Variants in CASK observed in about 807,000 individuals in gnomAD.
CASK encodes the protein peripheral plasma membrane protein CASK.
In CASK, 4 loss-of-function variants were observed where a neutral mutation model predicts 82.9. The observed-to-expected ratio is 0.05, with a 90% CI of 0.02 to 0.11. CASK has a LOEUF of 0.11. CASK is among the 10% of genes least tolerant of loss of function. The pLI is 1.00. For synonymous variants in CASK, 259 were observed against 253.5 expected, an observed-to-expected ratio of 1.02 and a Z score of -0.20; for missense variants, 358 against 720.9, an observed-to-expected ratio of 0.50 and a Z score of 5.76.
chrX:41,548,201 T>C (rs1334135924), intron 21 of CASK, among the ~76,000 whole-genome samples: 3 of 112,052 alleles, frequency 2.7e-5, no homozygotes, highest in African/African-American at 9.7e-5. Flanking sequence ...TTCTTCAGTC[T>C]GTTAATCTAG....
chrX:41,770,156 C>G lies in CASK; in HGVS notation c.278+17022G>C, dbSNP rs187655264. Among the ~76,000 whole-genome samples, 40 of 108,709 alleles carry G rather than the reference C, an allele frequency of 3.7e-4. No homozygotes were observed. The East Asian group carries it at 0.01, about 27-fold the overall frequency. The allele number at this position is 108,709 out of a possible 115,157, so 94.4% of individuals were successfully genotyped here. A position where few individuals can be genotyped will look rare whatever the true frequency, so the allele number is the denominator to read the frequency against. On this transcript the variant is annotated intron_variant, in intron 3 of 26. Transcript: ENST00000378163. ...ACTGAGATTATCCAGCACAGATTATCAAACAATGAAGCTTACTATGCCCTA... is the reference window on the plus strand; with the variant it reads ...ACTGAGATTATCCAGCACAGATTATGAAACAATGAAGCTTACTATGCCCTA...
At chrX:41,830,020 A>G (rs1183191226) in intron 2 of CASK, among the ~76,000 whole-genome samples, 1 of 104,758 alleles carries the variant, frequency 9.5e-6, no homozygotes, top group Non-Finnish European at 1.9e-5. Context: ...TTTTGTTTTG[A>G]GACAGGGTCT....
At chrX:41,865,161 T>C (rs180824059) in intron 1 of CASK, among the ~76,000 whole-genome samples, 1 of 111,660 alleles carries the variant, frequency 9.0e-6, no homozygotes, top group East Asian at 2.8e-4. Context: ...GAGTTTCCCA[T>C]GGATGGACCA....
At chrX:41,565,889 G>A (rs2065308653) in intron 16 of CASK, among the ~76,000 whole-genome samples, 2 of 111,640 alleles carry the variant, frequency 1.8e-5, no homozygotes, top group South Asian at 7.6e-4. Flanking sequence ...TATCCAACAC[G>A]ATCAAGTCAG....
At chrX:41,748,052 T>C (rs1455368362) in intron 3 of CASK, among the ~76,000 whole-genome samples, 1 of 112,143 alleles carries the variant, frequency 8.9e-6, no homozygotes, top group Non-Finnish European at 1.9e-5. Flanking sequence ...AGCGAAGGAA[T>C]CAGTTTTGCT....
At chrX:41,799,479 C>T (rs1028783144) in intron 2 of CASK, among the ~76,000 whole-genome samples, 6 of 110,002 alleles carry the variant, frequency 5.5e-5, no homozygotes, top group Admixed American at 9.7e-5. Flanking sequence ...GGCAGTGAGC[C>T]GGTTGCAGTG....
intron 1 of CASK, among the ~76,000 whole-genome samples, chrX:41,903,383 G>A (rs2072416458): frequency 1.8e-5 from 2 of 111,958 alleles, no homozygotes; most frequent in South Asian, 7.5e-4. Context: ...AAGTGGGAGT[G>A]AAGGATGGTT....
At chrX:41,720,806 T>C (rs908969635) in intron 5 of CASK, among the ~76,000 whole-genome samples, 2 of 111,293 alleles carry the variant, frequency 1.8e-5, no homozygotes, top group African/African-American at 6.5e-5. Flanking sequence ...TAGCCCACCA[T>C]GGATTGCCAA....
In CASK at chrX:41,569,988, ATTTTCTTTTC is replaced by A. The variant is rs1176936000; in HGVS notation, c.1504-252_1504-243del. Among the ~76,000 whole-genome samples the A allele has an allele frequency of 3.6e-3, 294 of 80,853 alleles. 2 individuals carry two copies. The highest frequency in any genetic ancestry group is 0.013 in the African/African-American group (291 of 22,506). 70.2% of individuals were successfully genotyped at this position (80,853 alleles called of 115,157 possible). The stretch of plus-strand genomic sequence containing the variant: ...TTTTATATAATGCTTTTAACACACT[ATTTTCTTTTC>A]TTTTCTTTTTTCTTTTTTTTTTTTT... On this transcript the variant is annotated intron_variant, in intron 15 of 26. Coordinates refer to ENST00000378163, the MANE Select transcript of CASK (RefSeq NM_001367721.1).
At chrX:41,704,691 G>A (rs1269497378) in intron 5 of CASK, among the ~76,000 whole-genome samples, 1 of 112,045 alleles carries the variant, frequency 8.9e-6, no homozygotes, top group African/African-American at 3.2e-5. Context: ...TTATGGTAAG[G>A]CTGAATCCAA....
intron 2 of CASK, among the ~76,000 whole-genome samples, chrX:41,835,441 C>T (rs2070912066): frequency 9.0e-6 from 1 of 111,626 alleles, no homozygotes. Context: ...ACATTTTTTT[C>T]ATATTGCTAT....
chrX:41,651,181 G>GA (rs2066859884), intron 8 of CASK, among the ~76,000 whole-genome samples: 3 of 111,829 alleles, frequency 2.7e-5, no homozygotes, highest in Admixed American at 9.5e-5. Context: ...AAGTAGGTAT[G>GA]GTATAATGTT....
chrX:41,861,456 T>A (rs1034946083), intron 1 of CASK, among the ~76,000 whole-genome samples: 43 of 110,851 alleles, frequency 3.9e-4, no homozygotes, highest in African/African-American at 1.4e-3. Context: ...AGAAAACATA[T>A]GAAGATAAAC....
chrX:41,904,137 C>A (rs1414100619), intron 1 of CASK, among the ~76,000 whole-genome samples: 1 of 111,863 alleles, frequency 8.9e-6, no homozygotes, highest in East Asian at 2.8e-4. Context: ...TGAAATCATA[C>A]AATATGTGGT....
chrX:41,547,715 C>T (rs946775667), intron 21 of CASK, among the ~76,000 whole-genome samples: 101 of 109,527 alleles, frequency 9.2e-4, no homozygotes, highest in African/African-American at 3.1e-3. Context: ...CTCCACCTCC[C>T]GGGTCCAAGC....
intron 5 of CASK, chrX:41,675,715 G>A (rs2067255703): frequency 6.3e-6 from 7 of 1,117,428 alleles, no homozygotes; most frequent in Admixed American, 4.4e-5. Flanking sequence ...ATGGTCTACT[G>A]TGTAAATTTT....
In CASK at chrX:41,671,446, A is replaced by G; in HGVS notation, c.514T>C (p.Ser172Pro). Reference protein sequence around the residue: ...GFGVAIQLGESGLVAGGRVGT... With the variant: ...GFGVAIQLGEPGLVAGGRVGT... ...GTCTTACCTCCAGCTACAAGTCCAG[A>G]CTCCCCTAATTGAATAGCTACCCCA... Residue 172 changes from serine (S) to proline (P), a missense_variant, in exon 6 of 27, where the codon TCT becomes CCT. Transcript: ENST00000378163. 8.4e-7 allele frequency: 1 copy of G among 1,191,050 alleles called. No homozygotes were observed. Among genetic ancestry groups the G allele is most frequent in the Non-Finnish European group, 1.1e-6 (1 of 877,682 alleles).
At chrX:41,597,548 A>G (rs2065838185) in intron 12 of CASK, among the ~76,000 whole-genome samples, 1 of 112,738 alleles carries the variant, frequency 8.9e-6, no homozygotes, top group Admixed American at 9.4e-5. Flanking sequence ...CTTGTTCTGG[A>G]AACACTGACT....
intron 12 of CASK, among the ~76,000 whole-genome samples, chrX:41,594,400 T>C (rs2065786895): frequency 8.9e-6 from 1 of 112,179 alleles, no homozygotes; most frequent in Admixed American, 9.4e-5. Context: ...GAACCACGCA[T>C]TAGACACTGG....
Sources: gnomAD v4.1 joint callset for allele counts (sites outside exome capture counted in the v4.1 genomes callset) on GRCh38, gnomAD v4.1.1 for gene constraint, MANE v1.5 for transcripts, NCBI Gene and HGNC (gene_info 2026-07-23, HGNC 2026-07-21) for gene names.